Variants in SOX5 observed in about 807,000 individuals in gnomAD.
The protein encoded by SOX5 is SRY-box transcription factor 5.
In SOX5, 9 loss-of-function variants were observed where a neutral mutation model predicts 92.0. The observed-to-expected ratio is 0.10, with a 90% CI of 0.06 to 0.17. The LOEUF (loss-of-function observed/expected upper bound fraction) is 0.17, where lower values mean the gene tolerates loss of function less well. Ranked by LOEUF, SOX5 falls within the 10% of genes least tolerant of loss-of-function variation. The probability of loss-of-function intolerance (pLI) is 1.00; values close to 1 mark genes in which losing one functional copy is unlikely to be tolerated. For missense variants in SOX5, 642 were observed against 944.5 expected (o/e 0.68, Z 4.20); for synonymous variants, 344 against 336.3 (o/e 1.02, Z -0.25).
rs575208500 is a variant in SOX5, at chr12:24,061,427, T to TGGTCATATCCAATGATTATGGATATGGA, written c.-2+151888_-2+151915dup. 4.6e-3 allele frequency among the ~76,000 whole-genome samples: 706 copies of TGGTCATATCCAATGATTATGGATATGGA among 152,162 alleles called. 2 individuals are homozygous for TGGTCATATCCAATGATTATGGATATGGA. The highest frequency in any genetic ancestry group is 0.013 in the African/African-American group (534 of 41,484). The stretch of plus-strand genomic sequence containing the variant: ...GTATCCACTTTGTAGTCACAATGTT[T>TGGTCATATCCAATGATTATGGATATGGA]GGTCATATCCAATGATTATGGATAT... On this transcript the variant is annotated intron_variant, in intron 4 of 4. Coordinates refer to the SOX5 transcript ENST00000446891.
At chr12:24,353,742 A>T (rs559945141) in intron 2 of SOX5, among the ~76,000 whole-genome samples, 1 of 151,970 alleles carries the variant, frequency 6.6e-6, no homozygotes, top group Non-Finnish European at 1.5e-5. Context: ...CCGGCTTCAA[A>T]CAATTCTCCT....
At chr12:24,334,882 C>T (rs1389629299) in intron 2 of SOX5, among the ~76,000 whole-genome samples, 3 of 147,884 alleles carry the variant, frequency 2.0e-5, no homozygotes, top group South Asian at 4.3e-4. Flanking sequence ...GAATATTTTA[C>T]ACCATATTTA....
chr12:23,602,999 A>G (rs2074707610), intron 9 of SOX5, among the ~76,000 whole-genome samples: 1 of 152,110 alleles, frequency 6.6e-6, no homozygotes. Context: ...TCCTACTGTC[A>G]ATGTAGTGTG....
At chr12:23,755,114 A>G (rs2094321088) in intron 4 of SOX5, among the ~76,000 whole-genome samples, 2 of 151,800 alleles carry the variant, frequency 1.3e-5, no homozygotes, top group Non-Finnish European at 2.9e-5. Flanking sequence ...AGATATGAAT[A>G]GTTTTATAGA....
chr12:23,880,546 T>C (rs746748179), intron 2 of SOX5, among the ~76,000 whole-genome samples: 36 of 152,190 alleles, frequency 2.4e-4, no homozygotes, highest in Admixed American at 7.9e-4. Flanking sequence ...GAAATTAATC[T>C]CAACTTTCTC....
At position 24,319,640 on chromosome 12, in the gene SOX5, T is replaced by C. The variant is rs117277416; in HGVS notation, c.-173-42328A>G. Among the ~76,000 whole-genome samples the C allele has an allele frequency of 6.2e-3, 942 of 152,296 alleles. 46 individuals are homozygous for C. In the East Asian group the frequency reaches 0.12, roughly 19 times the overall value. On this transcript the variant is annotated intron_variant, in intron 2 of 4. Transcript: ENST00000446891. ...CAGTCTTTTTACCCCTTGAAATCCA[T>C]CCCACACATGGTTCTGAGTGCTCTT...
At chr12:24,132,613 C>G (rs1949753710) in intron 4 of SOX5, among the ~76,000 whole-genome samples, 1 of 152,020 alleles carries the variant, frequency 6.6e-6, no homozygotes, top group South Asian at 2.1e-4. Flanking sequence ...AGAAGCAACT[C>G]TAGGAAACCA....
At chr12:24,516,438 A>G (rs1303094849) in intron 1 of SOX5, among the ~76,000 whole-genome samples, 1 of 152,162 alleles carries the variant, frequency 6.6e-6, no homozygotes, top group Non-Finnish European at 1.5e-5. Context: ...CCCTCAACAT[A>G]AACAAGTGTA....
At chr12:23,745,909 G>A (rs187458895) in intron 4 of SOX5, among the ~76,000 whole-genome samples, 15 of 152,196 alleles carry the variant, frequency 9.9e-5, no homozygotes, top group Admixed American at 5.9e-4. Flanking sequence ...TCTACTACAG[G>A]TAACGGTAAA....
intron 10 of SOX5, among the ~76,000 whole-genome samples, chr12:23,568,573 C>A (rs1037690879): frequency 6.6e-6 from 1 of 152,156 alleles, no homozygotes; most frequent in Non-Finnish European, 1.5e-5. Flanking sequence ...TGATATGCAG[C>A]ATGTCTGGCA....
intron 4 of SOX5, among the ~76,000 whole-genome samples, chr12:23,753,316 T>TA (rs2094241846): frequency 6.6e-6 from 1 of 151,562 alleles, no homozygotes; most frequent in African/African-American, 2.4e-5. Flanking sequence ...TTGGCTATAG[T>TA]ATGAAATATT....
In SOX5 at chr12:24,537,810, T is replaced by C. The variant is rs972937581; in HGVS notation, c.-251+24519A>G. ...GCAGACTATTTGTCCACACTGTACA[T>C]ACCTGCTCAGTCCATCCCCTGGGAA... is the stretch of plus-strand genomic sequence containing the variant. On this transcript the variant is annotated intron_variant, in intron 1 of 4. Transcript: ENST00000446891. 9.4e-4 allele frequency among the ~76,000 whole-genome samples: 143 copies of C among 152,224 alleles called. 14 individuals carry two copies. The highest frequency in any genetic ancestry group is 4.4e-5 in the Non-Finnish European group (3 of 68,028).
Position 24,315,073 on chromosome 12 carries a change from A to G in SOX5, c.-173-37761T>C, listed in dbSNP as rs904486606. On this transcript the variant is annotated intron_variant, in intron 2 of 4. Coordinates refer to the SOX5 transcript ENST00000446891. Reference sequence around the variant, plus strand: ...CTTTAGCAAGGAACAAAGTCTTAACATAAAGAAACTTCCCTGAAATCAAAT... The same window carrying G: ...CTTTAGCAAGGAACAAAGTCTTAACGTAAAGAAACTTCCCTGAAATCAAAT... Among the ~76,000 whole-genome samples the G allele has an allele frequency of 6.6e-5, 10 of 152,378 alleles. No individual in the cohort carries two copies. In the East Asian group the frequency reaches 1.3e-3, roughly 21 times the overall value.
At position 23,530,919 on chromosome 12, in the gene SOX5, T is replaced by C. The variant is rs1372265704; in HGVS notation, c.*3300A>G. On this transcript the variant is annotated 3_prime_UTR_variant, in exon 15 of 15. Transcript: ENST00000451604. Reference sequence around the variant, plus strand: ...CAGACAGGAAGGAGACTGTTTATGTTTTAGTTTGATCTTTTGATCTTACTC... The same window carrying C: ...CAGACAGGAAGGAGACTGTTTATGTCTTAGTTTGATCTTTTGATCTTACTC... 1 of 151,096 alleles carries C rather than the reference T, an allele frequency of 6.6e-6. No homozygotes were observed. The highest frequency in any genetic ancestry group is 1.5e-5 in the Non-Finnish European group (1 of 67,730). The allele number at this position is 151,096 out of a possible 1,614,324, so 9.4% of individuals were successfully genotyped here.
chr12:23,927,225 C>CAGT (rs1412983934), intron 1 of SOX5, among the ~76,000 whole-genome samples: 1 of 151,992 alleles, frequency 6.6e-6, no homozygotes, highest in Non-Finnish European at 1.5e-5. Context: ...ACTACGTAAC[C>CAGT]ATTCTGGGGG....
intron 10 of SOX5, among the ~76,000 whole-genome samples, chr12:23,571,312 T>C (rs1265621147): frequency 6.6e-6 from 1 of 152,086 alleles, no homozygotes; most frequent in East Asian, 1.9e-4. Context: ...TTTTACTGGG[T>C]CAATTTGCAT....
At chr12:24,330,885 C>A (rs751529619) in intron 2 of SOX5, among the ~76,000 whole-genome samples, 8 of 152,150 alleles carry the variant, frequency 5.3e-5, no homozygotes, top group Non-Finnish European at 1.0e-4. Flanking sequence ...GGGAGACCAT[C>A]AATGGACAAG....
rs765545226 is a variant in SOX5, at chr12:24,132,999, G to A, written c.-2+80344C>T. ...AAGTAAAAGATAAAGTCAACCTAGC[G>A]CTGTTATCCTTGGAGGTAAGATGAT... On this transcript the variant is annotated intron_variant, in intron 4 of 4. Coordinates refer to the SOX5 transcript ENST00000446891. Among the ~76,000 whole-genome samples the A allele has an allele frequency of 3.3e-5, 5 of 152,118 alleles. No individual in the cohort carries two copies. In the East Asian group the frequency reaches 5.8e-4, roughly 18 times the overall value.
intron 11 of SOX5, among the ~76,000 whole-genome samples, chr12:23,549,470 G>A (rs1354563911): frequency 6.6e-6 from 1 of 151,866 alleles, no homozygotes; most frequent in East Asian, 1.9e-4. Flanking sequence ...TCACCATTCT[G>A]GAACACAAAT....
Sources: allele counts gnomAD v4.1 joint callset (sites outside exome capture counted in the v4.1 genomes callset), GRCh38; gene constraint gnomAD v4.1.1; transcripts MANE v1.5; gene names NCBI Gene and HGNC (gene_info 2026-07-23, HGNC 2026-07-21).